BMPR1B: variants seen among roughly 807,000 people sequenced by gnomAD.
BMPR1B encodes the protein bone morphogenetic protein receptor type-1B.
A neutral mutation model predicts 59.1 loss-of-function variants in BMPR1B; 12 were observed. The ratio of observed to expected loss-of-function variants is 0.20; its 90% CI spans 0.13 to 0.33. The LOEUF (loss-of-function observed/expected upper bound fraction) is 0.33. Among genes scored for constraint, BMPR1B ranks in the 10% least tolerant of loss-of-function variants. The pLI is 1.00. For missense variants in BMPR1B, 550 were observed against 610.9 expected (o/e 0.90, Z 1.05); for synonymous variants, 237 against 207.3 (o/e 1.14, Z -1.23).
chr4:94,938,132 C>A (rs529840465), intron 2 of BMPR1B, among the ~76,000 whole-genome samples: 15 of 152,208 alleles, frequency 9.9e-5, no homozygotes, highest in Non-Finnish European at 1.9e-4. Context: ...CCATGTTGTT[C>A]CCTGGGGTTC....
chr4:95,149,229 C>T (rs566611569), intron 11 of BMPR1B, among the ~76,000 whole-genome samples: 1 of 152,208 alleles, frequency 6.6e-6, no homozygotes, highest in Admixed American at 6.5e-5. Context: ...AGCAGTTGCT[C>T]GATGAAATCA....
chr4:95,149,078 A>C (rs942472974), intron 11 of BMPR1B, among the ~76,000 whole-genome samples, 155 bp downstream of exon 11: 1 of 152,208 alleles, frequency 6.6e-6, no homozygotes, highest in Non-Finnish European at 1.5e-5. Context: ...CCAGGAAATT[A>C]TATTCGACAT....
intron 1 of BMPR1B, among the ~76,000 whole-genome samples, chr4:94,847,573 T>C (rs896258273): frequency 3.9e-5 from 6 of 151,970 alleles, no homozygotes; most frequent in Non-Finnish European, 7.4e-5. Flanking sequence ...AAGGAAAATA[T>C]GGTACAAATA....
At chr4:94,965,800 A>T (rs1730533553) in intron 2 of BMPR1B, among the ~76,000 whole-genome samples, 1 of 148,238 alleles carries the variant, frequency 6.7e-6, no homozygotes, top group Non-Finnish European at 1.5e-5. Flanking sequence ...TCATGTTTAC[A>T]CATATGCACA....
At chr4:95,060,092 G>T (rs1401396118) in intron 3 of BMPR1B, among the ~76,000 whole-genome samples, 1 of 152,060 alleles carries the variant, frequency 6.6e-6, no homozygotes, top group Admixed American at 6.6e-5. Context: ...TCCCAGTATG[G>T]TTCTATGTAT....
chr4:95,071,648 G>GCATATATATATATATA (rs1430593586), intron 3 of BMPR1B, among the ~76,000 whole-genome samples: 8 of 104,776 alleles, frequency 7.6e-5, no homozygotes, highest in African/African-American at 2.8e-4. Context: ...GTGTGTGTGT[G>GCATATATATATATATA]TGTGTATATA....
chr4:94,798,431 G>T (rs1288695577), intron 1 of BMPR1B, among the ~76,000 whole-genome samples: 1 of 152,196 alleles, frequency 6.6e-6, no homozygotes. Context: ...GCCTGATGTG[G>T]TGCTAATGTA....
At chr4:95,035,780 T>C (rs1158956775) in intron 3 of BMPR1B, among the ~76,000 whole-genome samples, 1 of 152,196 alleles carries the variant, frequency 6.6e-6, no homozygotes, top group East Asian at 1.9e-4. Flanking sequence ...TGTGGTTCCA[T>C]ATGAATTTTA....
At chr4:94,993,760 CAAAAAAAAAAAAAA>C (rs34395946) in intron 2 of BMPR1B, among the ~76,000 whole-genome samples, 1 of 68,590 alleles carries the variant, frequency 1.5e-5, no homozygotes, top group Non-Finnish European at 2.8e-5. Context: ...GACTCCATCT[CAAAAAAAAAAAAAA>C]AAAAAAAAAA....
intron 3 of BMPR1B, among the ~76,000 whole-genome samples, chr4:95,024,802 C>G (rs1724238156): frequency 6.6e-6 from 1 of 151,904 alleles, no homozygotes; most frequent in African/African-American, 2.4e-5. Flanking sequence ...GAACTGAAAC[C>G]CAAAAAATGA....
At chr4:94,976,343 T>C (rs904241097) in intron 2 of BMPR1B, among the ~76,000 whole-genome samples, 1 of 152,192 alleles carries the variant, frequency 6.6e-6, no homozygotes, top group African/African-American at 2.4e-5. Context: ...TGGTCAGAAA[T>C]TCAAGGTGAG....
chr4:94,985,389 C>T (rs907502440), intron 2 of BMPR1B, among the ~76,000 whole-genome samples: 5 of 151,900 alleles, frequency 3.3e-5, no homozygotes, highest in African/African-American at 4.8e-5. Flanking sequence ...TCAAGAATCT[C>T]GAGTAGATAG....
intron 4 of BMPR1B, 148 bp downstream of exon 4, chr4:95,104,715 G>C: frequency 1.9e-6 from 2 of 1,078,514 alleles, no homozygotes; most frequent in South Asian, 1.5e-5. Context: ...TTGTATTAGA[G>C]AAATATTGAA....
intron 1 of BMPR1B, among the ~76,000 whole-genome samples, chr4:94,817,213 C>T (rs994965412): frequency 3.3e-5 from 5 of 152,094 alleles, no homozygotes; most frequent in Non-Finnish European, 7.4e-5. Flanking sequence ...TTTCTGTTTA[C>T]AGATTATCCA....
At position 95,142,638 on chromosome 4, in the gene BMPR1B, C is replaced by A. The variant is rs370580243; in HGVS notation, c.1077-6110C>A. 9.2e-5 allele frequency among the ~76,000 whole-genome samples: 14 copies of A among 152,102 alleles called. No individual in the cohort carries two copies. The East Asian group carries it at 2.7e-3, about 29-fold the overall frequency. ...AACAGCATCCAGCAGGAGGACCATCCGCATGTGCCCAAAGGCTCAATGAGG... is the reference window on the plus strand; with the variant it reads ...AACAGCATCCAGCAGGAGGACCATCAGCATGTGCCCAAAGGCTCAATGAGG... On this transcript the variant is annotated intron_variant, in intron 10 of 12. Coordinates refer to ENST00000515059, the MANE Select transcript of BMPR1B (RefSeq NM_001203.3).
At position 94,984,397 on chromosome 4, in the gene BMPR1B, C is replaced by A. The variant is rs3775032; in HGVS notation, c.-112-11643C>A. On this transcript the variant is annotated intron_variant, in intron 2 of 12. Coordinates refer to ENST00000515059, the MANE Select transcript of BMPR1B (RefSeq NM_001203.3). Reference sequence around the variant, plus strand: ...GTACTTTGAACTTCATTATTCTACCCAAAAGAAATTGTAGCAGTCCTTGGG... The same window carrying A: ...GTACTTTGAACTTCATTATTCTACCAAAAAGAAATTGTAGCAGTCCTTGGG... Among the ~76,000 whole-genome samples the A allele has an allele frequency of 5.3e-5, 8 of 152,200 alleles. No individual in the cohort carries two copies. In the East Asian group the frequency reaches 1.5e-3, roughly 29 times the overall value.
intron 10 of BMPR1B, among the ~76,000 whole-genome samples, chr4:95,133,273 A>C (rs780969272): frequency 6.6e-6 from 1 of 151,974 alleles, no homozygotes; most frequent in Middle Eastern, 3.2e-3. Flanking sequence ...CACTGAATTT[A>C]TTTTCTTGAA....
At chr4:95,084,938 C>T (rs937558331) in intron 3 of BMPR1B, among the ~76,000 whole-genome samples, 7 of 152,108 alleles carry the variant, frequency 4.6e-5, no homozygotes, top group Non-Finnish European at 8.8e-5. Flanking sequence ...ATTCCTACAC[C>T]TGCTTGGAGT....
chr4:94,957,333 GTTTTTTTT>G (rs56341742), intron 2 of BMPR1B, among the ~76,000 whole-genome samples: 84 of 65,662 alleles, frequency 1.3e-3, no homozygotes, highest in Non-Finnish European at 1.9e-3. Context: ...CCTGTTTCGT[GTTTTTTTT>G]TTTTTTTTTT....
Sources: allele counts gnomAD v4.1 joint callset (sites outside exome capture counted in the v4.1 genomes callset), GRCh38; gene constraint gnomAD v4.1.1; transcripts MANE v1.5; gene names NCBI Gene and HGNC (gene_info 2026-07-23, HGNC 2026-07-21).